Variants in DERA observed in about 807,000 individuals in gnomAD.
DERA encodes deoxyribose-phosphate aldolase, also known as 2-deoxy-D-ribose 5-phosphate aldolase.
In DERA, 15 loss-of-function variants were observed where a neutral mutation model predicts 41.1. That is an observed-to-expected ratio of 0.37 (90% confidence interval 0.24 to 0.56). The LOEUF (loss-of-function observed/expected upper bound fraction) is 0.56, where lower values mean the gene tolerates loss of function less well. Ranked by LOEUF, DERA falls within the 20% of genes least tolerant of loss-of-function variation. The probability of loss-of-function intolerance (pLI) is 0.81; values close to 1 mark genes in which losing one functional copy is unlikely to be tolerated. For synonymous variants in DERA, 139 were observed against 137.4 expected (o/e 1.01, Z -0.08); for missense variants, 396 against 403.4 (o/e 0.98, Z 0.16).
At chr12:15,932,413 G>T (rs1417482154) in intron 1 of DERA, among the ~76,000 whole-genome samples, 1 of 152,092 alleles carries the variant, frequency 6.6e-6, no homozygotes, top group Non-Finnish European at 1.5e-5. Context: ...ACTTTGGGAG[G>T]TCGAGGAGGG....
In DERA at chr12:15,984,505, T is replaced by C. The variant is rs1282517646; in HGVS notation, c.637+2069T>C. 6.6e-6 allele frequency among the ~76,000 whole-genome samples: 1 copy of C among 152,202 alleles called. No homozygotes were observed. The highest frequency in any genetic ancestry group is 1.5e-5 in the Non-Finnish European group (1 of 68,030). On this transcript the variant is annotated intron_variant, in intron 6 of 8. Coordinates refer to ENST00000428559, the MANE Select transcript of DERA (RefSeq NM_015954.4). This position sits in a 1 kb window ranked among gnomAD's most constrained non-coding sequence, Gnocchi z 4.5. Reference sequence around the variant, plus strand: ...AATAAAACCGTATTCATGGTGTGCTTTACCAGGTACATTGAAACAATATTC... The same window carrying C: ...AATAAAACCGTATTCATGGTGTGCTCTACCAGGTACATTGAAACAATATTC...
chr12:15,922,939 G>T lies in DERA; in HGVS notation c.31+11525G>T, dbSNP rs1177467068. The stretch of plus-strand genomic sequence containing the variant: ...TATGCATGTGTGGGGCAAAGCTTGT[G>T]TGGGAAATCTCTGTACCTTCTGTTC... On this transcript the variant is annotated intron_variant, in intron 1 of 8. Coordinates refer to ENST00000428559, the MANE Select transcript of DERA (RefSeq NM_015954.4). This position sits in a 1 kb window ranked among gnomAD's most constrained non-coding sequence, Gnocchi z 4.9. Among the ~76,000 whole-genome samples the T allele has an allele frequency of 1.3e-5, 2 of 151,826 alleles. No homozygotes were observed. The highest frequency in any genetic ancestry group is 2.9e-5 in the Non-Finnish European group (2 of 67,982).
intron 1 of DERA, chr12:15,956,607 T>G: frequency 2.6e-6 from 1 of 388,942 alleles, no homozygotes; most frequent in Non-Finnish European, 5.0e-6. Context: ...GTACGTGGCA[T>G]GGGTAACACA....
Position 16,036,324 on chromosome 12 carries a change from G to A in DERA, c.843G>A (p.Leu281=), listed in dbSNP as rs372112499. Residue 281 remains leucine, a synonymous_variant, in exon 8 of 9, where the codon CTG becomes CTA. Coordinates refer to ENST00000428559, the MANE Select transcript of DERA (RefSeq NM_015954.4). The surrounding 1 kb of genome is among the most constrained non-coding windows in gnomAD (Gnocchi z 4.9). ...AGGAGGAGCTTGGAGATGAGTGGCT[G>A]AAGCCAGAACTCTTTCGAATAGGTG... ...LVKEELGDEW[L]KPELFRIGAS... is the part of the protein sequence containing the mutation. 4.4e-5 allele frequency: 71 copies of A among 1,613,504 alleles called. No individual in the cohort carries two copies. In the African/African-American group the frequency reaches 8.7e-4, roughly 20 times the overall value.
At chr12:15,974,114 G>C (rs942292200) in intron 5 of DERA, among the ~76,000 whole-genome samples, 2 of 151,940 alleles carry the variant, frequency 1.3e-5, no homozygotes, top group African/African-American at 4.8e-5. Context: ...GACCATTTGG[G>C]AATAAGTTGC....
chr12:15,927,121 T>C (rs1168899071), intron 1 of DERA, among the ~76,000 whole-genome samples: 1 of 152,200 alleles, frequency 6.6e-6, no homozygotes, highest in Admixed American at 6.5e-5. Context: ...TTTGTTAAAG[T>C]TGGTTTACTT....
chr12:16,031,291 T>G (rs957979164), intron 6 of DERA, among the ~76,000 whole-genome samples: 1 of 152,236 alleles, frequency 6.6e-6, no homozygotes, highest in African/African-American at 2.4e-5. Context: ...TTTTTGTATT[T>G]ATATTTTTCC....
At chr12:15,961,642 C>G (rs1428334873) in intron 4 of DERA, among the ~76,000 whole-genome samples, 1 of 152,240 alleles carries the variant, frequency 6.6e-6, no homozygotes, top group Non-Finnish European at 1.5e-5. Context: ...GGCAGCTACA[C>G]TTGTATAGAC....
rs1418224114 is a variant in DERA, at chr12:15,985,185, A to G, written c.637+2749A>G. 6.6e-6 allele frequency: 1 copy of G among 152,174 alleles called. No individual in the cohort carries two copies. Among genetic ancestry groups the G allele is most frequent in the Non-Finnish European group, 1.5e-5 (1 of 68,048 alleles). 9.4% of individuals were successfully genotyped at this position (152,174 alleles called of 1,614,324 possible). ...CTGTCCCCGCTGCAACCACTTTTCT[A>G]CTTTTATCACCATGCTTAGCTTTGC... is the stretch of plus-strand genomic sequence containing the variant. On this transcript the variant is annotated intron_variant, in intron 6 of 8. Coordinates refer to ENST00000428559, the MANE Select transcript of DERA (RefSeq NM_015954.4). This position sits in a 1 kb window ranked among gnomAD's most constrained non-coding sequence, Gnocchi z 4.2.
chr12:15,968,527 A>G (rs1948639211), intron 5 of DERA, among the ~76,000 whole-genome samples: 1 of 152,198 alleles, frequency 6.6e-6, no homozygotes, highest in Non-Finnish European at 1.5e-5. Flanking sequence ...GAACAAATGC[A>G]CCATGGGGTA....
intron 1 of DERA, among the ~76,000 whole-genome samples, chr12:15,939,883 C>T (rs1001721007): frequency 6.6e-6 from 1 of 152,084 alleles, no homozygotes; most frequent in Non-Finnish European, 1.5e-5. Context: ...TTCTTTTATT[C>T]TGTGTATAAA....
rs1317431585 is a variant in DERA at position 15,955,765 on chromosome 12, ATTAGT to A, written c.32-1166_32-1162del. On this transcript the variant is annotated intron_variant, in intron 1 of 8. Transcript: ENST00000428559. ...GAGAGAAAGAATGTCATCTGTAAACATTAGTTTAGATGCAAATACTTCAATTTGTA... is the reference window on the plus strand; with the variant it reads ...GAGAGAAAGAATGTCATCTGTAAACATTAGATGCAAATACTTCAATTTGTA... Among the ~76,000 whole-genome samples the A allele has an allele frequency of 2.6e-5, 4 of 152,336 alleles. No homozygotes were observed. The East Asian group carries it at 7.7e-4, about 29-fold the overall frequency.
At chr12:16,016,125 A>G (rs986540866) in intron 6 of DERA, among the ~76,000 whole-genome samples, 1 of 152,188 alleles carries the variant, frequency 6.6e-6, no homozygotes, top group African/African-American at 2.4e-5. Flanking sequence ...CTGCAGATTT[A>G]GTATTAGTAT....
Position 15,987,055 on chromosome 12 carries a change from C to A in DERA, c.637+4619C>A, listed in dbSNP as rs142169296. Among the ~76,000 whole-genome samples, 6 of 152,160 alleles carry A rather than the reference C, an allele frequency of 3.9e-5. No individual in the cohort carries two copies. In the South Asian group the frequency reaches 8.3e-4, roughly 21 times the overall value. On this transcript the variant is annotated intron_variant, in intron 6 of 8. Coordinates refer to ENST00000428559, the MANE Select transcript of DERA (RefSeq NM_015954.4). The stretch of plus-strand genomic sequence containing the variant: ...CTTGTATGTAATATCTTATCTTACT[C>A]TAGCTATGGTCAATCAATATTTTCC...
At chr12:16,032,999 G>A (rs778231686) in intron 7 of DERA, 6 of 221,312 alleles carry the variant, frequency 2.7e-5, no homozygotes, top group African/African-American at 9.5e-5. Flanking sequence ...CTCACAAGGT[G>A]TTGGCCAGTG....
At chr12:15,973,501 C>G (rs939958819) in intron 5 of DERA, among the ~76,000 whole-genome samples, 1 of 149,672 alleles carries the variant, frequency 6.7e-6, no homozygotes, top group Non-Finnish European at 1.5e-5. Flanking sequence ...TTTTTAACAA[C>G]AGACATATAT....
At chr12:15,968,055 A>C (rs1465353300) in intron 5 of DERA, among the ~76,000 whole-genome samples, 1 of 150,904 alleles carries the variant, frequency 6.6e-6, no homozygotes, top group Non-Finnish European at 1.5e-5. Flanking sequence ...CCTTATTAAG[A>C]AGTACTAACT....
rs543950191 is a variant in DERA, at chr12:16,035,411, G to C, written c.751-821G>C. ...GTTGTTTTGACCACTACCATCTACA[G>C]ATTCCCAACTCTACTGGATAGTCAG... is the stretch of plus-strand genomic sequence containing the variant. On this transcript the variant is annotated intron_variant, in intron 7 of 8. Transcript: ENST00000428559. This position sits in a 1 kb window ranked among gnomAD's most constrained non-coding sequence, Gnocchi z 4.1. 8.5e-5 allele frequency among the ~76,000 whole-genome samples: 13 copies of C among 152,282 alleles called. No homozygotes were observed. Among genetic ancestry groups the C allele is most frequent in the African/African-American group, 2.9e-4 (12 of 41,560 alleles).
chr12:16,002,114 T>C (rs542653442), intron 6 of DERA, among the ~76,000 whole-genome samples: 129 of 151,364 alleles, frequency 8.5e-4, no homozygotes, highest in South Asian at 1.7e-3. Flanking sequence ...AGGTATATCT[T>C]CTAATGCTAT....
Sources: allele counts gnomAD v4.1 joint callset (sites outside exome capture counted in the v4.1 genomes callset), GRCh38; gene constraint gnomAD v4.1.1; non-coding constraint Gnocchi (gnomAD v3.1); transcripts MANE v1.5; gene names NCBI Gene and HGNC (gene_info 2026-07-23, HGNC 2026-07-21).